The following OSBPL10 variants were observed in gnomAD, a reference collection of about 807,000 sequenced individuals.
OSBPL10 encodes oxysterol binding protein like 10.
OSBPL10 carries 49 observed loss-of-function variants against 81.7 expected under a neutral mutation model. The observed-to-expected ratio is 0.60, with a 90% confidence interval of 0.48 to 0.76. The LOEUF (loss-of-function observed/expected upper bound fraction) is 0.76. OSBPL10 is among the 30% of genes least tolerant of loss of function. The probability of loss-of-function intolerance (pLI) is 0.00; values close to 1 mark genes in which losing one functional copy is unlikely to be tolerated. For synonymous variants in OSBPL10, 419 were observed against 383.6 expected (o/e 1.09, Z -1.08); for missense variants, 923 against 987.8 (o/e 0.93, Z 0.88).
At chr3:31,999,002 TAA>T (rs1699118728) in intron 2 of OSBPL10, among the ~76,000 whole-genome samples, 1 of 152,154 alleles carries the variant, frequency 6.6e-6, no homozygotes, top group Non-Finnish European at 1.5e-5. Context: ...AGAAGATGTG[TAA>T]AAGAGAAAAA....
intron 5 of OSBPL10, among the ~76,000 whole-genome samples, chr3:31,747,467 GAATGA>G (rs1313183181): frequency 1.9e-5 from 2 of 107,758 alleles, no homozygotes; most frequent in Non-Finnish European, 3.7e-5. Flanking sequence ...CCACTGAATG[GAATGA>G]AATGAATCTT....
intron 2 of OSBPL10, among the ~76,000 whole-genome samples, chr3:32,011,848 T>C (rs1218082112): frequency 1.3e-5 from 2 of 152,002 alleles, no homozygotes; most frequent in Non-Finnish European, 2.9e-5. Context: ...TTATCAGTGA[T>C]GGAAGATCAA....
chr3:31,890,775 T>C (rs531781955), intron 1 of OSBPL10, among the ~76,000 whole-genome samples: 2 of 152,300 alleles, frequency 1.3e-5, no homozygotes, highest in African/African-American at 4.8e-5. Context: ...TTCTGGTGTC[T>C]TTAGGTGAAA....
At chr3:31,872,575 C>A (rs957596540) in intron 3 of OSBPL10, among the ~76,000 whole-genome samples, 2 of 147,742 alleles carry the variant, frequency 1.4e-5, no homozygotes, top group African/African-American at 5.0e-5. Flanking sequence ...AATGTAAAGA[C>A]AGAATCAACT....
At chr3:31,949,469 C>G (rs1204543163) in intron 1 of OSBPL10, among the ~76,000 whole-genome samples, 1 of 151,676 alleles carries the variant, frequency 6.6e-6, no homozygotes, top group East Asian at 1.9e-4. Context: ...GAGATCAAGA[C>G]CATCCTGGCT....
chr3:31,972,718 C>T (rs758398974), intron 1 of OSBPL10, among the ~76,000 whole-genome samples: 1 of 152,182 alleles, frequency 6.6e-6, no homozygotes, highest in South Asian at 2.1e-4. Context: ...CAGATAAATA[C>T]TTAAAACATC....
chr3:31,671,020 C>T (rs1559407718), intron 8 of OSBPL10, 37 bp from the exon 9 acceptor site: 2 of 1,556,042 alleles, frequency 1.3e-6, no homozygotes, highest in Admixed American at 1.9e-5. Flanking sequence ...GGCATGCAAA[C>T]ATGTGAAGAG....
At chr3:31,928,752 G>C (rs1697150935) in intron 1 of OSBPL10, among the ~76,000 whole-genome samples, 1 of 115,060 alleles carries the variant, frequency 8.7e-6, no homozygotes, top group Admixed American at 9.7e-5. Flanking sequence ...GCGACAGTGA[G>C]ACTTGTCTCC....
At chr3:31,772,505 C>T (rs147794222) in intron 4 of OSBPL10, among the ~76,000 whole-genome samples, 34 of 152,282 alleles carry the variant, frequency 2.2e-4, no homozygotes, top group Admixed American at 9.8e-4. Context: ...GAAAATGAGG[C>T]CCAAAAGTGG....
intron 2 of OSBPL10, among the ~76,000 whole-genome samples, chr3:31,986,624 A>G (rs1424626995): frequency 1.3e-5 from 2 of 152,230 alleles, no homozygotes; most frequent in Non-Finnish European, 2.9e-5. Flanking sequence ...ACGAAAAAAT[A>G]CAAATATACA....
intron 4 of OSBPL10, among the ~76,000 whole-genome samples, chr3:31,802,460 G>A (rs1699407229): frequency 1.3e-5 from 2 of 150,694 alleles, no homozygotes; most frequent in South Asian, 4.2e-4. Flanking sequence ...CAGGAACTTA[G>A]GAGGCTGAGG....
chr3:32,025,667 A>G (rs919288556), intron 2 of OSBPL10, among the ~76,000 whole-genome samples: 3 of 152,098 alleles, frequency 2.0e-5, no homozygotes, highest in Non-Finnish European at 4.4e-5. Context: ...CAATTTCTTT[A>G]CTTGTAGGTC....
At chr3:32,045,712 A>C (rs1039518197) in intron 2 of OSBPL10, among the ~76,000 whole-genome samples, 1 of 152,206 alleles carries the variant, frequency 6.6e-6, no homozygotes, top group African/African-American at 2.4e-5. Context: ...TCACAAAGTG[A>C]AGCTAAGCTT....
chr3:31,977,867 G>T (rs1352274979), intron 1 of OSBPL10, among the ~76,000 whole-genome samples: 1 of 152,106 alleles, frequency 6.6e-6, no homozygotes, highest in African/African-American at 2.4e-5. Context: ...CATACTCTAA[G>T]TATTTCACAT....
In OSBPL10 at chr3:31,829,816, CGAGTTCTCA is replaced by C. The variant is rs1305042681; in HGVS notation, c.729+215_729+223del. Among the ~76,000 whole-genome samples, 3 of 152,300 alleles carry C rather than the reference CGAGTTCTCA, an allele frequency of 2.0e-5. No individual in the cohort carries two copies. In the East Asian group the frequency reaches 5.8e-4, roughly 29 times the overall value. On this transcript the variant is annotated intron_variant, in intron 4 of 11. Transcript: ENST00000396556. ...TTGTAGGCTTGCTTTCTCTGCTTTC[CGAGTTCTCA>C]GAGTAGTCTCCTAACAATTCACTTA...
At chr3:31,990,041 A>C (rs762954730) in intron 2 of OSBPL10, 1 of 1,614,074 alleles carries the variant, frequency 6.2e-7, no homozygotes, top group South Asian at 1.1e-5. Flanking sequence ...GAATGTGACA[A>C]AGTTTTTAGT....
At chr3:31,848,341 C>A (rs1367302099) in intron 3 of OSBPL10, among the ~76,000 whole-genome samples, 4 of 151,270 alleles carry the variant, frequency 2.6e-5, no homozygotes, top group Non-Finnish European at 4.4e-5. Flanking sequence ...CACTACAAGC[C>A]CCCCCCAGTT....
At chr3:31,964,400 G>A (rs890687086) in intron 1 of OSBPL10, among the ~76,000 whole-genome samples, 1 of 152,092 alleles carries the variant, frequency 6.6e-6, no homozygotes, top group Non-Finnish European at 1.5e-5. Flanking sequence ...CAAGTGATCT[G>A]CCCGCCTCGG....
intron 2 of OSBPL10, among the ~76,000 whole-genome samples, chr3:32,009,602 C>G (rs1404496498): frequency 6.6e-6 from 1 of 152,116 alleles, no homozygotes; most frequent in East Asian, 1.9e-4. Context: ...GGGGAAAAAG[C>G]AAGGATGATA....
Sources: allele counts gnomAD v4.1 joint callset (sites outside exome capture counted in the v4.1 genomes callset), GRCh38; gene constraint gnomAD v4.1.1; transcripts MANE v1.5; gene names NCBI Gene and HGNC (gene_info 2026-07-23, HGNC 2026-07-21).